The following ABLIM1 variants were observed in gnomAD, a reference collection of about 807,000 sequenced individuals.
ABLIM1 encodes the protein actin-binding LIM protein 1.
Under a neutral mutation model 107.0 loss-of-function variants are expected in ABLIM1, and 40 were observed. The observed-to-expected ratio is 0.37, with a 90% CI of 0.29 to 0.49. The LOEUF (loss-of-function observed/expected upper bound fraction) is 0.49, where lower values mean the gene tolerates loss of function less well. Among genes scored for constraint, ABLIM1 ranks in the 20% least tolerant of loss-of-function variants. ABLIM1 has a pLI of 0.97. For missense variants in ABLIM1, 857 were observed against 1,008.5 expected, an observed-to-expected ratio of 0.85 and a Z score of 2.04; for synonymous variants, 357 against 357.3, an observed-to-expected ratio of 1.00 and a Z score of 0.01.
In ABLIM1 at chr10:114,439,238, C is replaced by A; in HGVS notation, c.2080G>T (p.Gly694Cys). 6.2e-7 allele frequency: 1 copy of A among 1,614,170 alleles called. No individual in the cohort carries two copies. Among genetic ancestry groups the A allele is most frequent in the Non-Finnish European group, 8.5e-7 (1 of 1,180,024 alleles). The change falls in exon 21 of 23, where the codon GGC becomes TGC. Residue 694 changes from glycine to cysteine, a missense_variant. Physicochemically the swap from Gly to Cys is radical, Grantham distance 159 (BLOSUM62 -3). Transcript: ENST00000533213. ...GVRDYQTLPD[G>C]HMPAMRMDRG... is the part of the protein sequence containing the mutation. ...TCCATTCTCATTGCAGGCATGTGGC[C>A]ATCTGGGAGTGTCTGCAACAGAAAT...
intron 6 of ABLIM1, among the ~76,000 whole-genome samples, chr10:114,527,903 T>A (rs1252630638): frequency 6.6e-6 from 1 of 150,410 alleles, no homozygotes; most frequent in African/African-American, 2.5e-5. Flanking sequence ...AGTGGCGTGA[T>A]CTTGGCTCAC....
intron 6 of ABLIM1, among the ~76,000 whole-genome samples, chr10:114,533,280 G>A (rs1330862061): frequency 6.6e-6 from 1 of 152,134 alleles, no homozygotes; most frequent in Non-Finnish European, 1.5e-5. Context: ...GGTGGAGGTT[G>A]CACTGAGCCA....
intron 2 of ABLIM1, among the ~76,000 whole-genome samples, chr10:114,589,008 T>A (rs549380513): frequency 6.6e-6 from 1 of 152,216 alleles, no homozygotes; most frequent in Non-Finnish European, 1.5e-5. Flanking sequence ...CATAAGATCA[T>A]AATGGAGCTG....
chr10:114,631,827 C>G, intron 1 of ABLIM1: 1 of 1,286,682 alleles, frequency 7.8e-7, no homozygotes, highest in Non-Finnish European at 1.0e-6. Flanking sequence ...TTGATCATTC[C>G]CCGTTAGGTG....
intron 1 of ABLIM1, among the ~76,000 whole-genome samples, chr10:114,697,151 C>T (rs2081212516): frequency 6.6e-6 from 1 of 152,196 alleles, no homozygotes. Flanking sequence ...CTCATTTCTG[C>T]TCCATGGGAT....
intron 1 of ABLIM1, 90 bp from the exon 2 acceptor site, chr10:114,602,051 T>TG: frequency 6.5e-7 from 1 of 1,530,876 alleles, no homozygotes; most frequent in Non-Finnish European, 9.0e-7. Flanking sequence ...TGGTGTCAAA[T>TG]GAGCCACAGA....
At chr10:114,440,154 C>G (rs2059987740) in intron 19 of ABLIM1, 65 bp from the exon 20 acceptor site, 1 of 1,467,142 alleles carries the variant, frequency 6.8e-7, no homozygotes, top group South Asian at 1.1e-5. Context: ...GAACCATTCA[C>G]AGACTATATT....
At chr10:114,618,592 G>A (rs949456181) in intron 1 of ABLIM1, among the ~76,000 whole-genome samples, 5 of 152,244 alleles carry the variant, frequency 3.3e-5, no homozygotes, top group Non-Finnish European at 7.3e-5. Flanking sequence ...CCTGGGTAAA[G>A]ATGTGCAGGC....
chr10:114,670,923 T>C (rs991888668), intron 1 of ABLIM1, among the ~76,000 whole-genome samples: 3 of 152,232 alleles, frequency 2.0e-5, no homozygotes. Flanking sequence ...TAACGTTAAA[T>C]TTTTTATTGA....
In ABLIM1 at chr10:114,754,300, C is replaced by A. The variant is rs114065882; in HGVS notation, c.-213+13761G>T. Among the ~76,000 whole-genome samples, 1,045 of 152,312 alleles carry A rather than the reference C, an allele frequency of 6.9e-3. 7 individuals are homozygous for A. Among genetic ancestry groups the A allele is most frequent in the African/African-American group, 0.024 (993 of 41,558 alleles). On this transcript the variant is annotated intron_variant, in intron 1 of 15. Coordinates refer to the ABLIM1 transcript ENST00000651092. Reference sequence around the variant, plus strand: ...CACCCTTTGCATAAATCTTTCTACTCCAGCAAACCGTGAATTTCTTAGATG... The same window carrying A: ...CACCCTTTGCATAAATCTTTCTACTACAGCAAACCGTGAATTTCTTAGATG...
chr10:114,614,550 C>T (rs192869720), intron 1 of ABLIM1, among the ~76,000 whole-genome samples: 1 of 152,264 alleles, frequency 6.6e-6, no homozygotes, highest in East Asian at 1.9e-4. Flanking sequence ...CATAACAAGA[C>T]AGATATAAAA....
At chr10:114,510,100 G>A (rs1021231338) in intron 6 of ABLIM1, among the ~76,000 whole-genome samples, 1 of 152,176 alleles carries the variant, frequency 6.6e-6, no homozygotes, top group Non-Finnish European at 1.5e-5. Flanking sequence ...AATTATGGGA[G>A]CTACAATTCA....
At chr10:114,500,685 A>G (rs2060272034) in intron 6 of ABLIM1, among the ~76,000 whole-genome samples, 1 of 128,026 alleles carries the variant, frequency 7.8e-6, no homozygotes, top group East Asian at 2.1e-4. Context: ...TGTCGAAAGA[A>G]AAAAAAAAAA....
intron 4 of ABLIM1, among the ~76,000 whole-genome samples, chr10:114,560,409 C>A (rs2069520970): frequency 6.6e-6 from 1 of 152,204 alleles, no homozygotes; most frequent in African/African-American, 2.4e-5. Context: ...TGCAACGAAG[C>A]TGAAAAATTC....
At chr10:114,536,226 T>C (rs1274833581) in intron 6 of ABLIM1, among the ~76,000 whole-genome samples, 4 of 90,396 alleles carry the variant, frequency 4.4e-5, no homozygotes, top group Non-Finnish European at 8.5e-5. Flanking sequence ...CTTCTTTCTT[T>C]GTTTTTTTTT....
upstream of ABLIM1, among the ~76,000 whole-genome samples, chr10:114,689,990 G>C (rs1158234243): frequency 6.6e-6 from 1 of 152,070 alleles, no homozygotes; most frequent in Non-Finnish European, 1.5e-5. Flanking sequence ...CTTCAATTCA[G>C]CTAGGCATAG....
At position 114,500,731 on chromosome 10, in the gene ABLIM1, AGGAAGGGAAGGGAAGGGAAG is replaced by A. The variant is rs869259042; in HGVS notation, c.895-8873_895-8854del. Among the ~76,000 whole-genome samples the A allele has an allele frequency of 9.2e-4, 67 of 73,046 alleles. 2 individuals are homozygous for A. The highest frequency in any genetic ancestry group is 3.2e-3 in the African/African-American group (54 of 16,710). 47.9% of individuals were successfully genotyped at this position (73,046 alleles called of 152,430 possible). ...GAGAAGGGAAGGGAAAGGAAGGGAAAGGAAGGGAAGGGAAGGGAAGGGAAGGGAAGGGAAGGGAAGGGAAG... is the reference window on the plus strand; with the variant it reads ...GAGAAGGGAAGGGAAAGGAAGGGAAAGGAAGGGAAGGGAAGGGAAGGGAAG... On this transcript the variant is annotated intron_variant, in intron 6 of 22. Coordinates refer to ENST00000533213, the MANE Select transcript of ABLIM1 (RefSeq NM_002313.7).
rs1018599757 is a variant in ABLIM1 at position 114,707,377 on chromosome 10, C to G, written c.-213+60684G>C. 1.3e-5 allele frequency among the ~76,000 whole-genome samples: 2 copies of G among 152,096 alleles called. No individual in the cohort carries two copies. Among genetic ancestry groups the G allele is most frequent in the African/African-American group, 4.8e-5 (2 of 41,434 alleles). On this transcript the variant is annotated intron_variant, in intron 1 of 15. Transcript: ENST00000651092. This position sits in a 1 kb window ranked among gnomAD's most constrained non-coding sequence, Gnocchi z 4.1. ...CCTTCCGAGTAGCTGGAACTACAGG[C>G]GCACACCACCACACTCAGCTAATTT...
chr10:114,801,252 A>T, the ABLIM1 span, among the ~76,000 whole-genome samples: 2 of 150,790 alleles, frequency 1.3e-5, no homozygotes, highest in Non-Finnish European at 3.0e-5. Flanking sequence ...TGTCTCTATT[A>T]AAAAAAAAAT....
Sources: allele counts gnomAD v4.1 joint callset (sites outside exome capture counted in the v4.1 genomes callset), GRCh38; gene constraint gnomAD v4.1.1; non-coding constraint Gnocchi (gnomAD v3.1); transcripts MANE v1.5; gene names NCBI Gene and HGNC (gene_info 2026-07-23, HGNC 2026-07-21).